Variants in UBTD2 observed in about 807,000 individuals in gnomAD.
UBTD2 encodes the protein ubiquitin domain-containing protein 2.
Under a neutral mutation model 19.8 loss-of-function variants are expected in UBTD2, and 9 were observed. The ratio of observed to expected loss-of-function variants is 0.46; its 90% CI spans 0.27 to 0.79. The LOEUF (loss-of-function observed/expected upper bound fraction) is 0.79, where lower values mean the gene tolerates loss of function less well. Ranked by LOEUF, UBTD2 falls within the 30% of genes least tolerant of loss-of-function variation. UBTD2 has a pLI of 0.14. For missense variants in UBTD2, 250 were observed against 300.4 expected, an observed-to-expected ratio of 0.83 and a Z score of 1.24; for synonymous variants, 98 against 103.9, an observed-to-expected ratio of 0.94 and a Z score of 0.35.
intron 1 of UBTD2, among the ~76,000 whole-genome samples, chr5:172,260,334 A>T (rs1755242183): frequency 6.6e-6 from 1 of 151,928 alleles, no homozygotes; most frequent in Non-Finnish European, 1.5e-5. Flanking sequence ...TCGAGCAATT[A>T]TGAAACTTCC....
chr5:172,223,019 C>T lies in UBTD2; in HGVS notation c.308-10792G>A, dbSNP rs17074485. On this transcript the variant is annotated intron_variant, in intron 2 of 2. Coordinates refer to ENST00000393792, the MANE Select transcript of UBTD2 (RefSeq NM_152277.3). Reference sequence around the variant, plus strand: ...GATTGGAATCATGACTGCCTGACTACAGAAATGGAAAAAAATCGAACTGAG... The same window carrying T: ...GATTGGAATCATGACTGCCTGACTATAGAAATGGAAAAAAATCGAACTGAG... Among the ~76,000 whole-genome samples the T allele has an allele frequency of 4.3e-3, 661 of 152,062 alleles. 4 individuals carry two copies. Among genetic ancestry groups the T allele is most frequent in the African/African-American group, 0.015 (640 of 41,490 alleles).
At chr5:172,255,179 A>G (rs1235352999) in intron 1 of UBTD2, 1 of 458,212 alleles carries the variant, frequency 2.2e-6, no homozygotes, top group Non-Finnish European at 4.3e-6. Context: ...TGGTGTGAGG[A>G]TAGGAACTTG....
At chr5:172,283,774 GCTCCGCTCGCCCGCCGCGGCCCAGC>G (rs1755776225), upstream of UBTD2, 1 of 731,988 alleles carries the variant, frequency 1.4e-6, no homozygotes. This position sits in a 1 kb window ranked among gnomAD's most constrained non-coding sequence, Gnocchi z 4.3. Context: ...CAGGCGCGCC[GCTCCGCTCGCCCGCCGCGGCCCAGC>G]CTCCGCCCCC....
chr5:172,218,341 T>C (rs1771585053), intron 2 of UBTD2, among the ~76,000 whole-genome samples: 1 of 152,142 alleles, frequency 6.6e-6, no homozygotes, highest in Non-Finnish European at 1.5e-5. Context: ...AAATTTATAA[T>C]GCCCATATTA....
rs150645730 is a variant in UBTD2 at position 172,269,643 on chromosome 5, G to A, written c.70+13953C>T. Among the ~76,000 whole-genome samples the A allele has an allele frequency of 4.6e-5, 7 of 151,072 alleles. No individual in the cohort carries two copies. The East Asian group carries it at 1.4e-3, about 29-fold the overall frequency. ...TCGTAACAAGATTAAAACCCAAGCG[G>A]TCTGAAGAATCTTAGACCAAACTCT... On this transcript the variant is annotated intron_variant, in intron 1 of 2. Transcript: ENST00000393792.
chr5:172,264,337 A>G (rs981699496), intron 1 of UBTD2, among the ~76,000 whole-genome samples: 1 of 151,980 alleles, frequency 6.6e-6, no homozygotes, highest in Non-Finnish European at 1.5e-5. Flanking sequence ...ACTTGAGGTC[A>G]GAAGTTCAAG....
chr5:172,224,858 G>C (rs2029525), intron 2 of UBTD2, among the ~76,000 whole-genome samples: 113,338 of 152,182 alleles, frequency 0.74, 43,421 homozygotes, highest in African/African-American at 0.93. Context: ...TATGTTTAAA[G>C]ACAAAAGGGA....
At chr5:172,220,739 C>A (rs1477895251) in intron 2 of UBTD2, among the ~76,000 whole-genome samples, 1 of 152,206 alleles carries the variant, frequency 6.6e-6, no homozygotes, top group Non-Finnish European at 1.5e-5. Flanking sequence ...CTCATCACCA[C>A]TTTTAAACAC....
intron 1 of UBTD2, among the ~76,000 whole-genome samples, chr5:172,243,404 G>A (rs1331725095): frequency 6.6e-6 from 1 of 152,002 alleles, no homozygotes; most frequent in Non-Finnish European, 1.5e-5. Flanking sequence ...GACCTTGTAA[G>A]ACTAGAGAAG....
chr5:172,234,133 G>A lies in UBTD2; in HGVS notation c.296C>T (p.Thr99Ile), dbSNP rs757574648. ...AACACCAAACCTACCATGTGGTAAT[G>A]TTATGTTTGCACCATCAATGATTGC... ...AQAIIDGANI[T>I]LPHGALTECY... Residue 99 changes from threonine to isoleucine, a missense_variant, in exon 2 of 3, where the codon ACA (threonine) becomes ATA (isoleucine). Thr to Ile is a moderately conservative substitution (Grantham distance 89). Transcript: ENST00000393792. The A allele has an allele frequency of 1.2e-6, 2 of 1,614,110 alleles. No homozygotes were observed. Among genetic ancestry groups the A allele is most frequent in the Non-Finnish European group, 1.7e-6 (2 of 1,180,006 alleles).
intron 2 of UBTD2, among the ~76,000 whole-genome samples, 158 bp from the exon 3 acceptor site, chr5:172,212,385 A>AT (rs1384804284): frequency 6.6e-6 from 1 of 152,186 alleles, no homozygotes; most frequent in East Asian, 1.9e-4. Flanking sequence ...CCCATGCCCA[A>AT]TTATTTGAGT....
chr5:172,244,200 C>T (rs1348415004), intron 1 of UBTD2, among the ~76,000 whole-genome samples: 1 of 150,804 alleles, frequency 6.6e-6, no homozygotes, highest in Admixed American at 6.6e-5. Context: ...TTATTTGGAA[C>T]AAAAACCTAT....
At chr5:172,222,742 T>C (rs943357586) in intron 2 of UBTD2, among the ~76,000 whole-genome samples, 2 of 152,198 alleles carry the variant, frequency 1.3e-5, no homozygotes, top group African/African-American at 4.8e-5. Context: ...CATGGGATCT[T>C]GTTGAAGTAG....
intron 1 of UBTD2, among the ~76,000 whole-genome samples, chr5:172,244,660 C>T (rs1754825183): frequency 6.6e-6 from 1 of 151,964 alleles, no homozygotes; most frequent in Non-Finnish European, 1.5e-5. Context: ...GTTATAAGCC[C>T]ACTAGAGCCT....
At chr5:172,254,995 C>T (rs761010592) in intron 1 of UBTD2, 5 of 560,060 alleles carry the variant, frequency 8.9e-6, no homozygotes, top group East Asian at 9.0e-5. Flanking sequence ...GCACCACCAC[C>T]GGCTGGATGA....
At chr5:172,228,590 G>A (rs1265046166) in intron 2 of UBTD2, among the ~76,000 whole-genome samples, 1 of 152,012 alleles carries the variant, frequency 6.6e-6, no homozygotes. Flanking sequence ...GCGTGGTGCT[G>A]CACGCCTGTA....
chr5:172,240,543 G>C (rs1196432340), intron 1 of UBTD2, among the ~76,000 whole-genome samples: 1 of 152,124 alleles, frequency 6.6e-6, no homozygotes, highest in Non-Finnish European at 1.5e-5. Flanking sequence ...TTCTCAGAGT[G>C]TAAGTCCCCT....
At chr5:172,217,440 A>C (rs1460450612) in intron 2 of UBTD2, among the ~76,000 whole-genome samples, 1 of 151,652 alleles carries the variant, frequency 6.6e-6, no homozygotes, top group Non-Finnish European at 1.5e-5. Context: ...AAAAAAAGAA[A>C]GAAAGAAATA....
intron 2 of UBTD2, among the ~76,000 whole-genome samples, chr5:172,218,896 C>T (rs1771600822): frequency 6.6e-6 from 1 of 150,618 alleles, no homozygotes; most frequent in Non-Finnish European, 1.5e-5. Context: ...ATTGGTAAGC[C>T]TCTACCCAGG....
Sources: allele counts gnomAD v4.1 joint callset (sites outside exome capture counted in the v4.1 genomes callset), GRCh38; gene constraint gnomAD v4.1.1; non-coding constraint Gnocchi (gnomAD v3.1); transcripts MANE v1.5; gene names NCBI Gene and HGNC (gene_info 2026-07-23, HGNC 2026-07-21).